Variants in MRPS22 observed in about 807,000 individuals in gnomAD.
MRPS22 encodes mitochondrial ribosomal protein S22, also known as small ribosomal subunit protein mS22.
MRPS22 carries 30 observed loss-of-function variants against 44.0 expected under a neutral mutation model. The observed-to-expected ratio is 0.68, with a 90% CI of 0.51 to 0.93. The LOEUF is 0.93. MRPS22 is among the 40% of genes least tolerant of loss of function. The pLI, the probability that MRPS22 is intolerant of heterozygous loss-of-function variation, is 0.00. For missense variants in MRPS22, 447 were observed against 447.8 expected, an observed-to-expected ratio of 1.00 and a Z score of 0.02; for synonymous variants, 165 against 154.4, an observed-to-expected ratio of 1.07 and a Z score of -0.51.
At position 139,356,030 on chromosome 3, in the gene MRPS22, A is replaced by G. The variant is rs888180167; in HGVS notation, c.987+240A>G. 6.6e-5 allele frequency among the ~76,000 whole-genome samples: 10 copies of G among 152,294 alleles called. No individual in the cohort carries two copies. The South Asian group carries it at 1.0e-3, about 16-fold the overall frequency. On this transcript the variant is annotated intron_variant, in intron 7 of 7. Coordinates refer to ENST00000680020, the MANE Select transcript of MRPS22 (RefSeq NM_020191.4). ...GATGTGGTGCTAGCAGCTGGAGTCC[A>G]GAGAAGTTCTGACAGTGCAGGGAGC...
chr3:139,348,510 T>G (rs550832271), intron 3 of MRPS22, 186 bp downstream of exon 3: 1 of 631,366 alleles, frequency 1.6e-6, no homozygotes, highest in African/African-American at 1.8e-5. Flanking sequence ...CATCATGGTG[T>G]TACCATTTCT....
rs1940989323 is a variant in MRPS22, at chr3:139,344,131, C to T, written c.105C>T (p.Gly35=). Reference sequence around the variant, plus strand: ...CTCGAATCCAGCCCTGGCACGGTGGCCTGCTCCAACCGCTACCTTGCTCTT... The same window carrying T: ...CTCGAATCCAGCCCTGGCACGGTGGTCTGCTCCAACCGCTACCTTGCTCTT... ...FRARIQPWHG[G]LLQPLPCSFE... Residue 35 remains glycine, a synonymous_variant, in exon 1 of 8, where the codon GGC becomes GGT. Transcript: ENST00000680020. 5 of 1,613,872 alleles carry T rather than the reference C, an allele frequency of 3.1e-6. No homozygotes were observed. Among genetic ancestry groups the T allele is most frequent in the South Asian group, 2.2e-5 (2 of 91,000 alleles).
chr3:139,347,183 G>A, intron 2 of MRPS22, 139 bp downstream of exon 2: 1 of 1,030,026 alleles, frequency 9.7e-7, no homozygotes, highest in Non-Finnish European at 1.5e-6. Context: ...ACTGAGAAAA[G>A]AAATGTGAGT....
rs1366122618 is a variant in MRPS22, at chr3:139,346,974, C to G, written c.269C>G (p.Thr90Ser). 14 of 1,614,186 alleles carry G rather than the reference C, an allele frequency of 8.7e-6. No homozygotes were observed. In the East Asian group the frequency reaches 8.9e-5, roughly 10 times the overall value. The change falls in exon 2 of 8, where the codon ACT becomes AGT. Residue 90 changes from threonine to serine, a missense_variant. Physicochemically the swap from Thr to Ser is moderately conservative, Grantham distance 58 (BLOSUM62 1). Transcript: ENST00000680020. ...ATGACAGGCTTGAACTTGCAGAAGA[C>G]TTTTAAGCCAGCTATACAAGAACTG... ...TKMTGLNLQKTFKPAIQELKP... is the reference protein window; with the variant it reads ...TKMTGLNLQKSFKPAIQELKP...
intron 4 of MRPS22, chr3:139,350,677 C>A (rs901709383): frequency 1.4e-5 from 5 of 361,930 alleles, no homozygotes; most frequent in Non-Finnish European, 2.6e-5. Context: ...TCGCACCCCC[C>A]CCCCGCAATC....
At chr3:139,347,157 TAATA>T in intron 2 of MRPS22, 113 bp downstream of exon 2, 1 of 1,202,500 alleles carries the variant, frequency 8.3e-7, no homozygotes, top group Non-Finnish European at 1.2e-6. Context: ...TAGTGAAAGG[TAATA>T]CCAGGCATAG....
In MRPS22 at chr3:139,355,719, G is replaced by A. The variant is rs748612472; in HGVS notation, c.916G>A (p.Val306Met). 45 of 1,614,016 alleles carry A rather than the reference G, an allele frequency of 2.8e-5. No individual in the cohort carries two copies. In the South Asian group the frequency reaches 3.5e-4, roughly 13 times the overall value. Reference protein sequence around the residue: ...DATNLVQLYHVLHPDGQSAQG... With the variant: ...DATNLVQLYHMLHPDGQSAQG... The stretch of plus-strand genomic sequence containing the variant: ...AACCAACTTGGTCCAGCTGTATCAC[G>A]TGCTCCATCCAGATGGCCAGTCGGC... Residue 306 changes from valine to methionine, a missense_variant, in exon 7 of 8, where the codon GTG (valine) becomes ATG (methionine). By Grantham distance (21) the Val-to-Met change is conservative. Coordinates refer to ENST00000680020, the MANE Select transcript of MRPS22 (RefSeq NM_020191.4).
At chr3:139,350,430 C>CTTT in intron 4 of MRPS22, 108 bp downstream of exon 4, 98 of 1,028,306 alleles carry the variant, frequency 9.5e-5, no homozygotes, top group Middle Eastern at 3.3e-4. Flanking sequence ...GATAACTTGA[C>CTTT]TTTTTTTTTT....
At chr3:139,355,635 T>C (rs370220731) in intron 6 of MRPS22, 47 bp from the exon 7 acceptor site, 2 of 1,450,534 alleles carry the variant, frequency 1.4e-6, no homozygotes, top group Non-Finnish European at 1.9e-6. Context: ...GGACTGTGAA[T>C]CAAATGAAGA....
rs1324565997 is a variant in MRPS22 at position 139,350,329 on chromosome 3, T to G, written c.648+7T>G. 1 of 1,613,792 alleles carries G rather than the reference T, an allele frequency of 6.2e-7. No individual in the cohort carries two copies. The highest frequency in any genetic ancestry group is 1.3e-5 in the African/African-American group (1 of 74,898). On this transcript the variant is annotated splice_region_variant and intron_variant, in intron 4 of 7. Transcript: ENST00000680020. ...CAAGGAAGAAAATCTTAGGGTAAGGTGACTTAGGTTTTATGTTTTAGAGCC... is the reference window on the plus strand; with the variant it reads ...CAAGGAAGAAAATCTTAGGGTAAGGGGACTTAGGTTTTATGTTTTAGAGCC...
intron 6 of MRPS22, among the ~76,000 whole-genome samples, chr3:139,354,612 A>G (rs574344959): frequency 6.6e-6 from 1 of 152,280 alleles, no homozygotes; most frequent in South Asian, 2.1e-4. Flanking sequence ...TTTAGGGTAG[A>G]TGAGCCTCAG....
intron 6 of MRPS22, 155 bp from the exon 7 acceptor site, chr3:139,355,527 G>A: frequency 1.4e-6 from 1 of 698,446 alleles, no homozygotes; most frequent in Non-Finnish European, 2.5e-6. Context: ...TCCTGAAAAT[G>A]CTTTTGAAAC....
intron 3 of MRPS22, chr3:139,349,022 G>A (rs1369955917): frequency 1.2e-5 from 3 of 260,732 alleles, no homozygotes; most frequent in Admixed American, 1.0e-4. Context: ...TTTAGGAGAA[G>A]GTTCACTCCA....
intron 4 of MRPS22, chr3:139,350,765 C>G: frequency 1.7e-6 from 1 of 585,742 alleles, no homozygotes; most frequent in South Asian, 1.9e-5. Flanking sequence ...TCCTCCTTAC[C>G]ACCCAAGATG....
intron 1 of MRPS22, among the ~76,000 whole-genome samples, chr3:139,345,646 ACTG>A (rs1206402273): frequency 6.6e-6 from 1 of 152,160 alleles, no homozygotes; most frequent in Non-Finnish European, 1.5e-5. Context: ...TGTTATTACT[ACTG>A]CTATTGGCTA....
At chr3:139,348,514 C>T in intron 3 of MRPS22, 190 bp downstream of exon 3, 1 of 618,232 alleles carries the variant, frequency 1.6e-6, no homozygotes. Context: ...ATGGTGTTAC[C>T]ATTTCTCAGC....
intron 3 of MRPS22, 183 bp downstream of exon 3, chr3:139,348,507 G>A (rs954379605): frequency 3.1e-5 from 20 of 638,178 alleles, no homozygotes; most frequent in South Asian, 2.8e-4. Context: ...CCACATCATG[G>A]TGTTACCATT....
chr3:139,347,999 A>G (rs138202200), intron 2 of MRPS22, among the ~76,000 whole-genome samples, 161 bp from the exon 3 acceptor site: 1 of 152,258 alleles, frequency 6.6e-6, no homozygotes, highest in Non-Finnish European at 1.5e-5. Context: ...GGCAAAGGCC[A>G]GGGCTCACAA....
chr3:139,347,146 C>T lies in MRPS22; in HGVS notation c.339+102C>T, dbSNP rs1610195. On this transcript the variant is annotated intron_variant, in intron 2 of 7. Coordinates refer to ENST00000680020, the MANE Select transcript of MRPS22 (RefSeq NM_020191.4). ...GCTTATAGCTATTCTTCCATAGGCA[C>T]TAGTGAAAGGTAATACCAGGCATAG... 0.76 allele frequency: 987,707 copies of T among 1,295,990 alleles called. 383,532 individuals are homozygous for T. The highest frequency in any genetic ancestry group is 0.9 in the East Asian group (38,319 of 42,666). 80.3% of individuals were successfully genotyped at this position (1,295,990 alleles called of 1,614,324 possible). A position where few individuals can be genotyped will look rare whatever the true frequency, so the allele number is the denominator to read the frequency against.
Sources: allele counts gnomAD v4.1 joint callset (sites outside exome capture counted in the v4.1 genomes callset), GRCh38; gene constraint gnomAD v4.1.1; transcripts MANE v1.5; gene names NCBI Gene and HGNC (gene_info 2026-07-23, HGNC 2026-07-21).